LANCL3: variants seen among roughly 807,000 people sequenced by gnomAD.
The protein encoded by LANCL3 is lanC-like protein 3.
LANCL3 carries 19 observed loss-of-function variants against 26.5 expected under a neutral mutation model. The ratio of observed to expected loss-of-function variants is 0.72; its 90% CI spans 0.50 to 1.05. The LOEUF (loss-of-function observed/expected upper bound fraction) is 1.05. Ranked by LOEUF, LANCL3 falls within the 50% of genes least tolerant of loss-of-function variation. LANCL3 has a pLI of 0.00. For synonymous variants in LANCL3, 160 were observed against 166.6 expected (o/e 0.96, Z 0.30); for missense variants, 318 against 362.7 (o/e 0.88, Z 1.00).
At chrX:37,642,103 CGA>C (rs1174575432) in intron 1 of LANCL3, among the ~76,000 whole-genome samples, 1 of 111,906 alleles carries the variant, frequency 8.9e-6, no homozygotes, top group Non-Finnish European at 1.9e-5. Context: ...TAGCACTTAA[CGA>C]GAAAAATCAA....
chrX:37,578,797 T>C (rs1923816744), intron 1 of LANCL3, among the ~76,000 whole-genome samples: 1 of 109,322 alleles, frequency 9.1e-6, no homozygotes, highest in African/African-American at 3.3e-5. Flanking sequence ...CTGGACAACA[T>C]AGTGAAACCC....
intron 1 of LANCL3, among the ~76,000 whole-genome samples, chrX:37,594,246 GCAA>G (rs1556419284): frequency 8.9e-6 from 1 of 112,212 alleles, no homozygotes; most frequent in Non-Finnish European, 1.9e-5. Flanking sequence ...TCAAGTCATT[GCAA>G]CCAAGATAAA....
At chrX:37,667,082 C>T (rs782027808) in intron 3 of LANCL3, among the ~76,000 whole-genome samples, 200 bp from the exon 4 acceptor site, 1 of 112,015 alleles carries the variant, frequency 8.9e-6, no homozygotes, top group South Asian at 3.7e-4. Flanking sequence ...AACATTCTAG[C>T]ACCTTCCTAC....
At chrX:37,629,310 G>A (rs782496999) in intron 1 of LANCL3, among the ~76,000 whole-genome samples, 3,295 of 105,641 alleles carry the variant, frequency 0.031, 147 homozygotes, top group African/African-American at 0.11. Context: ...TTTTTTTCTT[G>A]TAAATTTGTT....
rs891945138 is a variant in LANCL3 at position 37,633,806 on chromosome X, G to A, written c.574-21882G>A. Reference sequence around the variant, plus strand: ...CCTCTGGAAGTTTTGTCTCAGAGGCGTACCCGGCCATGTGAGAAGTCAGTC... The same window carrying A: ...CCTCTGGAAGTTTTGTCTCAGAGGCATACCCGGCCATGTGAGAAGTCAGTC... On this transcript the variant is annotated intron_variant, in intron 1 of 4. Coordinates refer to ENST00000378619, the MANE Select transcript of LANCL3 (RefSeq NM_001170331.2). Among the ~76,000 whole-genome samples, 3 of 111,483 alleles carry A rather than the reference G, an allele frequency of 2.7e-5. No homozygotes were observed. The Admixed American group carries it at 2.8e-4, about 11-fold the overall frequency.
At chrX:37,611,744 AG>A (rs1339417587) in intron 1 of LANCL3, among the ~76,000 whole-genome samples, 1 of 110,977 alleles carries the variant, frequency 9.0e-6, no homozygotes, top group Non-Finnish European at 1.9e-5. Context: ...TGAATCTCTG[AG>A]CTACTTACTA....
intron 1 of LANCL3, among the ~76,000 whole-genome samples, chrX:37,626,162 C>T (rs1415786324): frequency 8.9e-6 from 1 of 112,240 alleles, no homozygotes; most frequent in African/African-American, 3.2e-5. Flanking sequence ...CTCACGCTTC[C>T]TAGGTGTGTA....
In LANCL3 at chrX:37,682,644, T is replaced by C. The variant is rs1926967376; in HGVS notation, c.*6831T>C. 1 of 112,308 alleles carries C rather than the reference T, an allele frequency of 8.9e-6. No homozygotes were observed. Among genetic ancestry groups the C allele is most frequent in the Non-Finnish European group, 1.9e-5 (1 of 53,339 alleles). The allele number at this position is 112,308 out of a possible 1,213,427, so 9.3% of individuals were successfully genotyped here. Reference sequence around the variant, plus strand: ...TTCATATTGAATGTGGTAACCCTTATATGTGGATATATTCAAACATGTGGA... The same window carrying C: ...TTCATATTGAATGTGGTAACCCTTACATGTGGATATATTCAAACATGTGGA... On this transcript the variant is annotated 3_prime_UTR_variant, in exon 5 of 5. Transcript: ENST00000378619.
At chrX:37,636,789 T>G (rs1925718077) in intron 1 of LANCL3, among the ~76,000 whole-genome samples, 1 of 112,331 alleles carries the variant, frequency 8.9e-6, no homozygotes, top group Non-Finnish European at 1.9e-5. Flanking sequence ...AGGTGAAGAC[T>G]GTTTGCACTT....
intron 1 of LANCL3, among the ~76,000 whole-genome samples, chrX:37,611,034 G>A (rs782471123): frequency 9.0e-6 from 1 of 111,396 alleles, no homozygotes; most frequent in Non-Finnish European, 1.9e-5. Flanking sequence ...ACTAGGGCTC[G>A]AGCCCATGGA....
intron 1 of LANCL3, among the ~76,000 whole-genome samples, chrX:37,583,908 G>C (rs1427871779): frequency 8.9e-6 from 1 of 111,890 alleles, no homozygotes; most frequent in African/African-American, 3.3e-5. Context: ...TTTTCAAAGG[G>C]AATGCTTCCA....
intron 3 of LANCL3, among the ~76,000 whole-genome samples, chrX:37,667,053 A>G (rs957677510): frequency 1.8e-5 from 2 of 112,202 alleles, no homozygotes; most frequent in Non-Finnish European, 3.8e-5. Flanking sequence ...CTCACTGGGA[A>G]AATAAGATTC....
In LANCL3 at chrX:37,623,891, GT is replaced by G. The variant is rs1193648336; in HGVS notation, c.574-31791del. On this transcript the variant is annotated intron_variant, in intron 1 of 4. Coordinates refer to ENST00000378619, the MANE Select transcript of LANCL3 (RefSeq NM_001170331.2). ...ATGCTATGCATACTGTATATAACCTGTTTTTTATTTGACATTATATGTTGTG... is the reference window on the plus strand; with the variant it reads ...ATGCTATGCATACTGTATATAACCTGTTTTTATTTGACATTATATGTTGTG... 2.0e-3 allele frequency among the ~76,000 whole-genome samples: 228 copies of G among 111,750 alleles called. 1 individual carries two copies. Among genetic ancestry groups the G allele is most frequent in the African/African-American group, 7.2e-3 (223 of 30,810 alleles).
intron 1 of LANCL3, among the ~76,000 whole-genome samples, chrX:37,576,852 C>T (rs1923762790): frequency 8.9e-6 from 1 of 111,946 alleles, no homozygotes. Flanking sequence ...AGTGGCTGCT[C>T]TAAGAACAGG....
At chrX:37,668,133 A>G (rs1556434670) in intron 4 of LANCL3, among the ~76,000 whole-genome samples, 1 of 108,318 alleles carries the variant, frequency 9.2e-6, no homozygotes, top group Non-Finnish European at 1.9e-5. Context: ...TTAGGGGGAT[A>G]TTTAGGTTAT....
chrX:37,624,590 A>G lies in LANCL3; in HGVS notation c.574-31098A>G, dbSNP rs1447401838. Among the ~76,000 whole-genome samples, 3 of 112,110 alleles carry G rather than the reference A, an allele frequency of 2.7e-5. No individual in the cohort carries two copies. The East Asian group carries it at 8.3e-4, about 31-fold the overall frequency. ...ATTAAATTAATGTAAAAATAACACAATTTAAATCACTGTAAGTTCCATGAA... is the reference window on the plus strand; with the variant it reads ...ATTAAATTAATGTAAAAATAACACAGTTTAAATCACTGTAAGTTCCATGAA... On this transcript the variant is annotated intron_variant, in intron 1 of 4. Coordinates refer to ENST00000378619, the MANE Select transcript of LANCL3 (RefSeq NM_001170331.2).
intron 4 of LANCL3, among the ~76,000 whole-genome samples, chrX:37,672,516 GCCC>G (rs1411988998): frequency 8.9e-6 from 1 of 112,030 alleles, no homozygotes; most frequent in Non-Finnish European, 1.9e-5. Context: ...AAAGTTGCCT[GCCC>G]AGGGTCAGGT....
chrX:37,667,759 C>T (rs1210133760), intron 4 of LANCL3, among the ~76,000 whole-genome samples: 3 of 111,029 alleles, frequency 2.7e-5, no homozygotes, highest in African/African-American at 9.8e-5. Context: ...AAAAAGTTTC[C>T]TCTGGCTCAT....
At chrX:37,627,581 G>T (rs1229355315) in intron 1 of LANCL3, among the ~76,000 whole-genome samples, 1 of 111,672 alleles carries the variant, frequency 9.0e-6, no homozygotes, top group African/African-American at 3.3e-5. Context: ...TAACAAGATT[G>T]CCAGGGAATC....
Sources: allele counts gnomAD v4.1 joint callset (sites outside exome capture counted in the v4.1 genomes callset), GRCh38; gene constraint gnomAD v4.1.1; transcripts MANE v1.5; gene names NCBI Gene and HGNC (gene_info 2026-07-23, HGNC 2026-07-21).